The following TMEM132B variants were observed in gnomAD, a reference collection of about 807,000 sequenced individuals.
TMEM132B encodes transmembrane protein 132B.
A neutral mutation model predicts 90.8 loss-of-function variants in TMEM132B; 18 were observed. The observed-to-expected ratio is 0.20, with a 90% confidence interval of 0.14 to 0.29. The LOEUF (loss-of-function observed/expected upper bound fraction) is 0.29, where lower values mean the gene tolerates loss of function less well. TMEM132B is among the 10% of genes least tolerant of loss of function. The pLI is 1.00. For synonymous variants in TMEM132B, 504 were observed against 523.3 expected (o/e 0.96, Z 0.50); for missense variants, 1,096 against 1,326.8 (o/e 0.83, Z 2.70).
chr12:125,322,674 A>G (rs1876461199), intron 1 of TMEM132B, among the ~76,000 whole-genome samples: 1 of 152,214 alleles, frequency 6.6e-6, no homozygotes. Flanking sequence ...GTATACCTGA[A>G]CAAAACTGTT....
intron 3 of TMEM132B, among the ~76,000 whole-genome samples, chr12:125,505,700 GAAAAA>G (rs34696111): frequency 1.5e-5 from 2 of 131,016 alleles, no homozygotes; most frequent in Non-Finnish European, 1.7e-5. Context: ...CCCCGTCTCA[GAAAAA>G]AAAAAAAAAA....
At chr12:125,603,245 G>A (rs564597615) in intron 5 of TMEM132B, among the ~76,000 whole-genome samples, 1 of 152,236 alleles carries the variant, frequency 6.6e-6, no homozygotes, top group South Asian at 2.1e-4. Context: ...CATGGTACTG[G>A]TACCAAAACA....
intron 1 of TMEM132B, among the ~76,000 whole-genome samples, chr12:125,347,515 A>C (rs1280009532): frequency 3.3e-5 from 5 of 152,216 alleles, no homozygotes; most frequent in South Asian, 2.1e-4. Flanking sequence ...CAAACAGGCC[A>C]AAAAGTGTTT....
At chr12:125,416,339 G>A (rs1880010838) in intron 3 of TMEM132B, among the ~76,000 whole-genome samples, 1 of 152,220 alleles carries the variant, frequency 6.6e-6, no homozygotes, top group Non-Finnish European at 1.5e-5. Context: ...TTGCTTCACT[G>A]GGAGGGCTAA....
intron 1 of TMEM132B, among the ~76,000 whole-genome samples, chr12:125,308,533 A>G (rs940729976): frequency 6.6e-6 from 1 of 152,166 alleles, no homozygotes; most frequent in African/African-American, 2.4e-5. Context: ...GGGGTTATGC[A>G]TTTGCCATTT....
In TMEM132B at chr12:125,345,161, G is replaced by A. The variant is rs150021911; in HGVS notation, c.68-4291G>A. On this transcript the variant is annotated intron_variant, in intron 1 of 8. Transcript: ENST00000682704. ...GGTGACCTGGTCACCTGGCCACCTG[G>A]CCCACTGGAAAGAGAACTTTCCACA... Among the ~76,000 whole-genome samples, 7 of 152,214 alleles carry A rather than the reference G, an allele frequency of 4.6e-5. No homozygotes were observed. In the South Asian group the frequency reaches 1.0e-3, roughly 23 times the overall value.
chr12:125,326,727 C>T, intron 1 of TMEM132B: 1 of 1,558,796 alleles, frequency 6.4e-7, no homozygotes, highest in Non-Finnish European at 8.7e-7. Flanking sequence ...TGGGACCAGA[C>T]CCAAGGGGAG....
intron 5 of TMEM132B, among the ~76,000 whole-genome samples, chr12:125,601,817 A>G (rs1885578944): frequency 6.6e-6 from 1 of 152,258 alleles, no homozygotes; most frequent in Non-Finnish European, 1.5e-5. Context: ...AACTACCATC[A>G]GAGAATACTA....
At chr12:125,233,728 A>G (rs1352865759) in intron 1 of TMEM132B, among the ~76,000 whole-genome samples, 1 of 152,192 alleles carries the variant, frequency 6.6e-6, no homozygotes, top group Admixed American at 6.5e-5. Context: ...TTCCACTAGT[A>G]GGCTTGGGGC....
Position 125,460,135 on chromosome 12 carries a change from A to G in TMEM132B, c.1106+44458A>G, listed in dbSNP as rs1881396564. Among the ~76,000 whole-genome samples the G allele has an allele frequency of 6.6e-6, 1 of 152,216 alleles. No individual in the cohort carries two copies. Among genetic ancestry groups the G allele is most frequent in the African/African-American group, 2.4e-5 (1 of 41,464 alleles). ...TTATTATGCATTGCATGCCTGTGTC[A>G]AAACATCTCATGTACTCCATAAACA... On this transcript the variant is annotated intron_variant, in intron 3 of 8. Transcript: ENST00000682704. The surrounding 1 kb of genome is among the most constrained non-coding windows in gnomAD (Gnocchi z 4.4).
In TMEM132B at chr12:125,500,643, G is replaced by A. The variant is rs571708468; in HGVS notation, c.1107-18796G>A. 1.2e-4 allele frequency among the ~76,000 whole-genome samples: 19 copies of A among 152,330 alleles called. No individual in the cohort carries two copies. The South Asian group carries it at 2.3e-3, about 18-fold the overall frequency. ...AAAAACATGTGAAATGGAAGGGGAA[G>A]AATTTTGTAGGACGTCAATCTAGAA... On this transcript the variant is annotated intron_variant, in intron 3 of 8. Coordinates refer to ENST00000682704, the MANE Select transcript of TMEM132B (RefSeq NM_001366854.1).
chr12:125,378,827 G>C (rs1038974338), intron 2 of TMEM132B, among the ~76,000 whole-genome samples: 2 of 152,250 alleles, frequency 1.3e-5, no homozygotes, highest in African/African-American at 4.8e-5. Context: ...CCAAAGAGCA[G>C]TGTGTGCTGC....
chr12:125,200,040 T>C (rs983717850), intron 1 of TMEM132B, among the ~76,000 whole-genome samples: 1 of 152,202 alleles, frequency 6.6e-6, no homozygotes, highest in Non-Finnish European at 1.5e-5. Flanking sequence ...GTTGTTAGTT[T>C]GTGGTAAATC....
intron 1 of TMEM132B, among the ~76,000 whole-genome samples, chr12:125,285,000 T>C (rs7133127): frequency 0.84 from 127,229 of 152,232 alleles, 53,425 homozygotes; most frequent in African/African-American, 0.92. Flanking sequence ...AATCCTGGCC[T>C]GCATGGAGCT....
At chr12:125,222,235 AT>A (rs1434972155) in intron 1 of TMEM132B, among the ~76,000 whole-genome samples, 1 of 152,302 alleles carries the variant, frequency 6.6e-6, no homozygotes, top group African/African-American at 2.4e-5. Flanking sequence ...AGTTTAAGCT[AT>A]GTGTTTGTTG....
At chr12:125,535,001 T>G (rs984972978) in intron 4 of TMEM132B, among the ~76,000 whole-genome samples, 4 of 152,222 alleles carry the variant, frequency 2.6e-5, no homozygotes, top group Non-Finnish European at 4.4e-5. Flanking sequence ...GCGCTGCTAT[T>G]GATTAATTCT....
chr12:125,562,716 T>C (rs1412811678), intron 4 of TMEM132B, among the ~76,000 whole-genome samples: 1 of 152,186 alleles, frequency 6.6e-6, no homozygotes, highest in Non-Finnish European at 1.5e-5. Context: ...CTCATGGTAG[T>C]GAATAAGTCT....
chr12:125,578,081 C>T (rs1468778617), intron 4 of TMEM132B, among the ~76,000 whole-genome samples: 3 of 152,116 alleles, frequency 2.0e-5, no homozygotes, highest in African/African-American at 7.2e-5. Context: ...TCTGCTGTTG[C>T]TGGCTACTGT....
chr12:125,265,907 G>A (rs1874682132), intron 1 of TMEM132B, among the ~76,000 whole-genome samples: 1 of 152,054 alleles, frequency 6.6e-6, no homozygotes, highest in Non-Finnish European at 1.5e-5. Context: ...GCTAAGAATA[G>A]TTTTTAAGCT....
Sources: allele counts gnomAD v4.1 joint callset (sites outside exome capture counted in the v4.1 genomes callset), GRCh38; gene constraint gnomAD v4.1.1; non-coding constraint Gnocchi (gnomAD v3.1); transcripts MANE v1.5; gene names NCBI Gene and HGNC (gene_info 2026-07-23, HGNC 2026-07-21).